MTIF2: variants seen among roughly 807,000 people sequenced by gnomAD.
MTIF2 encodes mitochondrial translational initiation factor 2, also known as translation initiation factor IF-2, mitochondrial.
In MTIF2, 71 loss-of-function variants were observed where a neutral mutation model predicts 83.5. The observed-to-expected ratio is 0.85, with a 90% CI of 0.70 to 1.04. The LOEUF (loss-of-function observed/expected upper bound fraction) is 1.04. Ranked by LOEUF, MTIF2 falls within the 50% of genes least tolerant of loss-of-function variation. The pLI is 0.00. For synonymous variants in MTIF2, 319 were observed against 287.1 expected, an observed-to-expected ratio of 1.11 and a Z score of -1.12; for missense variants, 957 against 846.5, an observed-to-expected ratio of 1.13 and a Z score of -1.62.
intron 5 of MTIF2, among the ~76,000 whole-genome samples, chr2:55,261,080 C>T (rs972435952): frequency 3.3e-5 from 5 of 151,654 alleles, no homozygotes; most frequent in African/African-American, 7.3e-5. Context: ...TCCGCCTCCA[C>T]GGTTCACGCC....
chr2:55,260,694 C>T (rs541672864), intron 5 of MTIF2, among the ~76,000 whole-genome samples: 1 of 152,286 alleles, frequency 6.6e-6, no homozygotes, highest in South Asian at 2.1e-4. Flanking sequence ...TAAACCTCAC[C>T]TTCCCAGCCT....
In MTIF2 at chr2:55,267,606, T is replaced by C. The variant is rs1255090417; in HGVS notation, c.-45A>G. On this transcript the variant is annotated 5_prime_UTR_variant, in exon 3 of 16. Transcript: ENST00000263629. The stretch of plus-strand genomic sequence containing the variant: ...TGTTATCTGGACTCAGCAAGTCACT[T>C]GTTTCCTATGGGCCTCATTTTCCGG... The C allele has an allele frequency of 6.0e-6, 1 of 166,684 alleles. No individual in the cohort carries two copies. Among genetic ancestry groups the C allele is most frequent in the Non-Finnish European group, 1.5e-5 (1 of 68,318 alleles). The allele number at this position is 166,684 out of a possible 1,614,324, so 10.3% of individuals were successfully genotyped here.
At chr2:55,239,028 T>C (rs1367132041) in intron 14 of MTIF2, among the ~76,000 whole-genome samples, 1 of 152,182 alleles carries the variant, frequency 6.6e-6, no homozygotes, top group African/African-American at 2.4e-5. Context: ...AGCTGTCCAA[T>C]ATGCTTCAAA....
chr2:55,237,357 C>G lies in MTIF2; in HGVS notation c.1942G>C (p.Val648Leu). The G allele has an allele frequency of 3.7e-6, 6 of 1,613,030 alleles. No individual in the cohort carries two copies. In the South Asian group the frequency reaches 6.6e-5, roughly 18 times the overall value. ...KKKVPVAGCR[V>L]QKGQLEKQKK... ...TGTTTTTCTAACTGTCCCTTTTGGA[C>G]TCTGCAGCCAGCCACAGGAACTTTT... Residue 648 changes from valine (V) to leucine (L), a missense_variant, in exon 15 of 16, where the codon GTC becomes CTC. Physicochemically the swap from Val to Leu is conservative, Grantham distance 32 (BLOSUM62 1). Transcript: ENST00000263629.
chr2:55,252,373 G>A lies in MTIF2; in HGVS notation c.841+104C>T, dbSNP rs111864949. On this transcript the variant is annotated intron_variant, in intron 8 of 15. Transcript: ENST00000263629. ...TCTTTGAGGCTTATCTGTAATACAC[G>A]TATAATAACTCTGGGATTGTTGTGA... 1.8e-4 allele frequency: 171 copies of A among 956,104 alleles called. No individual in the cohort carries two copies. The African/African-American group carries it at 2.1e-3, about 12-fold the overall frequency. 59.2% of individuals were successfully genotyped at this position (956,104 alleles called of 1,614,324 possible).
intron 7 of MTIF2, among the ~76,000 whole-genome samples, chr2:55,253,101 A>G (rs1003641811): frequency 1.3e-5 from 2 of 152,128 alleles, no homozygotes; most frequent in Non-Finnish European, 2.9e-5. Context: ...TACTGGCTAT[A>G]TACTGTGGGA....
In MTIF2 at chr2:55,238,643, G is replaced by A. The variant is rs536122696; in HGVS notation, c.1871-1215C>T. Reference sequence around the variant, plus strand: ...CATCCTCAGGTGATCCGCCCGCCTCGACCTCCCAAAGTGCTGGGATTACAG... The same window carrying A: ...CATCCTCAGGTGATCCGCCCGCCTCAACCTCCCAAAGTGCTGGGATTACAG... On this transcript the variant is annotated intron_variant, in intron 14 of 15. Coordinates refer to ENST00000263629, the MANE Select transcript of MTIF2 (RefSeq NM_002453.3). Among the ~76,000 whole-genome samples, 23 of 152,024 alleles carry A rather than the reference G, an allele frequency of 1.5e-4. No homozygotes were observed. In the Middle Eastern group the frequency reaches 0.01, roughly 67 times the overall value.
chr2:55,255,668 A>G (rs1164525235), intron 5 of MTIF2, among the ~76,000 whole-genome samples: 5 of 151,620 alleles, frequency 3.3e-5, no homozygotes, highest in Non-Finnish European at 7.4e-5. Context: ...GAGCCATTTT[A>G]AACAGCAAAA....
chr2:55,255,331 A>G (rs896900950), intron 5 of MTIF2, among the ~76,000 whole-genome samples: 1 of 149,168 alleles, frequency 6.7e-6, no homozygotes, highest in African/African-American at 2.4e-5. Context: ...TCATCAACTG[A>G]TCAACACATA....
intron 10 of MTIF2, among the ~76,000 whole-genome samples, chr2:55,244,812 C>G (rs748150395): frequency 1.5e-4 from 22 of 151,520 alleles, no homozygotes; most frequent in Non-Finnish European, 1.5e-5. Context: ...TTTGGGAGGC[C>G]GAGGCAGGTA....
chr2:55,245,836 A>G (rs981823692), intron 10 of MTIF2, among the ~76,000 whole-genome samples: 1 of 152,254 alleles, frequency 6.6e-6, no homozygotes, highest in Admixed American at 6.5e-5. Context: ...CCCACTTTCT[A>G]TCCCAGTCTC....
intron 8 of MTIF2, among the ~76,000 whole-genome samples, chr2:55,250,759 G>A (rs1018068125): frequency 2.0e-5 from 3 of 152,016 alleles, no homozygotes; most frequent in Non-Finnish European, 2.9e-5. Flanking sequence ...ATTTTCTCAG[G>A]TATCAAACAG....
rs373828535 is a variant in MTIF2, at chr2:55,237,789, T to G, written c.1871-361A>C. Among the ~76,000 whole-genome samples the G allele has an allele frequency of 1.8e-4, 28 of 151,704 alleles. No individual in the cohort carries two copies. The East Asian group carries it at 5.3e-3, about 29-fold the overall frequency. On this transcript the variant is annotated intron_variant, in intron 14 of 15. Transcript: ENST00000263629. Reference sequence around the variant, plus strand: ...CCTCAGCCTCCCGAGTAGCTGGGATTACAGGCGCCCACAACCACATCCAGC... The same window carrying G: ...CCTCAGCCTCCCGAGTAGCTGGGATGACAGGCGCCCACAACCACATCCAGC...
chr2:55,240,085 A>G lies in MTIF2; in HGVS notation c.1796T>C (p.Ile599Thr), dbSNP rs763340618. ...TTGCAAATCTTCAACAAGACGGTAA[A>G]TTATTTTGTGAAGTTTAATTTTTAC... Reference protein sequence around the residue: ...KGVKIKLHKIIYRLVEDLQEE... With the variant: ...KGVKIKLHKITYRLVEDLQEE... Residue 599 changes from isoleucine (I) to threonine (T), a missense_variant, in exon 14 of 16, where the codon ATT (isoleucine) becomes ACT (threonine). This residue lies in a region of MTIF2 where 221 missense variants were observed against 180.6 expected (regional missense o/e 1.22). Transcript: ENST00000263629. The G allele has an allele frequency of 4.3e-6, 7 of 1,613,816 alleles. No individual in the cohort carries two copies. The South Asian group carries it at 7.7e-5, about 18-fold the overall frequency.
intron 5 of MTIF2, among the ~76,000 whole-genome samples, chr2:55,257,336 C>A (rs543874330): frequency 6.6e-6 from 1 of 152,210 alleles, no homozygotes; most frequent in South Asian, 2.1e-4. Context: ...AAAAAATTAG[C>A]TGGGCATGGT....
At chr2:55,264,061 T>C (rs1678246043) in intron 3 of MTIF2, among the ~76,000 whole-genome samples, 196 bp from the exon 4 acceptor site, 1 of 152,210 alleles carries the variant, frequency 6.6e-6, no homozygotes, top group Non-Finnish European at 1.5e-5. Context: ...CTCTAAATAC[T>C]AGCTATTATT....
At chr2:55,247,508 T>C (rs1203661827) in intron 9 of MTIF2, among the ~76,000 whole-genome samples, 2 of 152,260 alleles carry the variant, frequency 1.3e-5, no homozygotes, top group East Asian at 3.9e-4. Context: ...GCCAAGATCA[T>C]GCCACTGCTC....
At chr2:55,247,081 T>C (rs907709766) in intron 9 of MTIF2, among the ~76,000 whole-genome samples, 1 of 152,066 alleles carries the variant, frequency 6.6e-6, no homozygotes, top group African/African-American at 2.4e-5. Flanking sequence ...ACCTCAACCA[T>C]AAAATGAAGA....
At chr2:55,262,847 G>A (rs1263547704) in intron 4 of MTIF2, among the ~76,000 whole-genome samples, 2 of 152,126 alleles carry the variant, frequency 1.3e-5, no homozygotes, top group Non-Finnish European at 2.9e-5. Context: ...TCCTGCCTCA[G>A]CCTCCTGAGT....
Sources: gnomAD v4.1 joint callset for allele counts (sites outside exome capture counted in the v4.1 genomes callset) on GRCh38, gnomAD v4.1.1 for gene constraint, gnomAD v4.1.1 regional missense constraint, MANE v1.5 for transcripts, NCBI Gene and HGNC (gene_info 2026-07-23, HGNC 2026-07-21) for gene names.